BLTP1: variants seen among roughly 807,000 people sequenced by gnomAD.
The protein encoded by BLTP1 is bridge-like lipid transfer protein family member 1, also known as fragile site-associated protein.
At chr4:122,234,645 T>G in the BLTP1 span, 1 of 1,055,312 alleles carries the variant, frequency 9.5e-7, no homozygotes, top group Non-Finnish European at 1.3e-6. Flanking sequence ...ACCTTTGTGT[T>G]TGTGTTTACT....
the BLTP1 span, chr4:122,221,081 T>C: frequency 2.0e-6 from 2 of 979,798 alleles, no homozygotes; most frequent in East Asian, 2.3e-4. Context: ...TTACTTTTAA[T>C]CAAGTTGTGT....
chr4:122,357,962 C>G, the BLTP1 span, among the ~76,000 whole-genome samples: 1 of 151,820 alleles, frequency 6.6e-6, no homozygotes, highest in African/African-American at 2.4e-5. Flanking sequence ...TGAGATGTGC[C>G]CAAAATTCAG....
chr4:122,258,619 A>T, the BLTP1 span: 1 of 1,479,356 alleles, frequency 6.8e-7, no homozygotes, highest in Non-Finnish European at 9.0e-7. Context: ...GAGTGTCATT[A>T]TATAACTAGA....
the BLTP1 span, chr4:122,199,488 GA>G: frequency 6.7e-7 from 1 of 1,488,096 alleles, no homozygotes; most frequent in South Asian, 1.2e-5. Flanking sequence ...ATACTTGTAT[GA>G]AAAACAATTG....
the BLTP1 span, among the ~76,000 whole-genome samples, chr4:122,162,321 A>G: frequency 5.3e-5 from 8 of 152,208 alleles, no homozygotes; most frequent in African/African-American, 1.7e-4. Context: ...AAGTAATGTT[A>G]TATGGATATA....
the BLTP1 span, among the ~76,000 whole-genome samples, chr4:122,171,541 A>G: frequency 2.8e-4 from 43 of 152,214 alleles, no homozygotes; most frequent in African/African-American, 1.0e-3. Flanking sequence ...CTTAATGCTC[A>G]GAGTAGCTTT....
the BLTP1 span, among the ~76,000 whole-genome samples, chr4:122,235,820 A>T: frequency 6.6e-6 from 1 of 152,236 alleles, no homozygotes; most frequent in Non-Finnish European, 1.5e-5. Context: ...AGAAAAAAAA[A>T]AAAGAATCTT....
the BLTP1 span, among the ~76,000 whole-genome samples, chr4:122,186,841 A>G: frequency 6.6e-6 from 1 of 152,026 alleles, no homozygotes; most frequent in African/African-American, 2.4e-5. Context: ...TTTATATATT[A>G]TCTATCTGTT....
At chr4:122,219,187 G>A in the BLTP1 span, 5 of 978,340 alleles carry the variant, frequency 5.1e-6, no homozygotes, top group Non-Finnish European at 6.1e-6. Context: ...CTTAACATAT[G>A]TTTTCTTTTG....
the BLTP1 span, chr4:122,207,514 C>CTTTTTTTTTTTTTTTT: frequency 3.3e-5 from 42 of 1,286,844 alleles, no homozygotes; most frequent in South Asian, 1.1e-4. Flanking sequence ...ACTTTTTCTT[C>CTTTTTTTTTTTTTTTT]TTTTTTTTTT....
the BLTP1 span, chr4:122,196,605 G>A: frequency 6.4e-7 from 1 of 1,552,662 alleles, no homozygotes; most frequent in South Asian, 1.2e-5. Context: ...TGAATAACAT[G>A]TCATTATTCT....
At chr4:122,277,503 T>C in the BLTP1 span, 31 of 970,816 alleles carry the variant, frequency 3.2e-5, no homozygotes, top group Non-Finnish European at 3.6e-5. Context: ...TTCACAAATA[T>C]TTGGCAAGTG....
chr4:122,343,333 C>T, the BLTP1 span: 1 of 1,567,448 alleles, frequency 6.4e-7, no homozygotes, highest in Non-Finnish European at 8.7e-7. Flanking sequence ...GAAGTCATGT[C>T]TGGTTCTTAA....
the BLTP1 span, chr4:122,274,543 C>A: frequency 6.9e-7 from 1 of 1,447,416 alleles, no homozygotes. Flanking sequence ...AATATCAGTT[C>A]CCAGATACTG....
At chr4:122,248,127 T>G in the BLTP1 span, 1 of 985,146 alleles carries the variant, frequency 1.0e-6, no homozygotes, top group Non-Finnish European at 1.2e-6. Context: ...AAGGCTTATT[T>G]TTTTCATCCC....
chr4:122,318,933 G>A, the BLTP1 span, among the ~76,000 whole-genome samples: 1 of 152,092 alleles, frequency 6.6e-6, no homozygotes, highest in South Asian at 2.1e-4. Context: ...TATTTGGATT[G>A]TCTTTTTCGT....
At chr4:122,238,565 G>A in the BLTP1 span, among the ~76,000 whole-genome samples, 3 of 152,326 alleles carry the variant, frequency 2.0e-5, no homozygotes, top group East Asian at 5.8e-4. Context: ...GTACAGGAAA[G>A]TGTAATGAAA....
chr4:122,345,085 T>C, the BLTP1 span: 2,826 of 902,232 alleles, frequency 3.1e-3, 15 homozygotes, highest in South Asian at 3.9e-3. Flanking sequence ...AAAACTTTCA[T>C]AATTATGAAT....
the BLTP1 span, chr4:122,289,940 G>T: frequency 6.6e-6 from 2 of 301,098 alleles, no homozygotes; most frequent in Admixed American, 1.3e-4. Flanking sequence ...TAAAGGATCA[G>T]AAAAGGCTTC....
Sources: gnomAD v4.1 joint callset for allele counts (sites outside exome capture counted in the v4.1 genomes callset) on GRCh38, gnomAD v4.1.1 for gene constraint, MANE v1.5 for transcripts, NCBI Gene and HGNC (gene_info 2026-07-23, HGNC 2026-07-21) for gene names.